FAM149A: variants seen among roughly 807,000 people sequenced by gnomAD.
The protein encoded by FAM149A is protein FAM149A.
A neutral mutation model predicts 78.2 loss-of-function variants in FAM149A; 71 were observed. That is an observed-to-expected ratio of 0.91 (90% confidence interval 0.75 to 1.11). FAM149A has a LOEUF of 1.11. Ranked by LOEUF, FAM149A falls within the 50% of genes least tolerant of loss-of-function variation. FAM149A has a pLI of 0.00. For synonymous variants in FAM149A, 446 were observed against 410.5 expected, an observed-to-expected ratio of 1.09 and a Z score of -1.04; for missense variants, 1,036 against 971.0, an observed-to-expected ratio of 1.07 and a Z score of -0.89.
At chr4:186,155,163 T>G (rs767341326) in intron 6 of FAM149A, among the ~76,000 whole-genome samples, 2 of 152,134 alleles carry the variant, frequency 1.3e-5, no homozygotes, top group Non-Finnish European at 2.9e-5. Flanking sequence ...AGACGGGGTT[T>G]CACCGTGTTA....
At chr4:186,157,448 C>T (rs1433275714) in intron 7 of FAM149A, 117 bp from the exon 8 acceptor site, 3 of 1,021,878 alleles carry the variant, frequency 2.9e-6, no homozygotes, top group Non-Finnish European at 4.3e-6. Flanking sequence ...TGTGGAGTGG[C>T]CGTAGCATGG....
intron 1 of FAM149A, among the ~76,000 whole-genome samples, chr4:186,143,238 C>T (rs1343960772): frequency 6.9e-6 from 1 of 145,294 alleles, no homozygotes; most frequent in Non-Finnish European, 1.5e-5. Context: ...GTGATCCTCC[C>T]ATCTTGGCCT....
At chr4:186,122,638 T>C in intron 1 of FAM149A, 1 of 154,054 alleles carries the variant, frequency 6.5e-6, no homozygotes, top group Non-Finnish European at 1.4e-5. Context: ...TTGGTATAAA[T>C]CTTTCAACTC....
chr4:186,163,081 T>C (rs936547815), intron 9 of FAM149A, 133 bp downstream of exon 9: 13 of 650,198 alleles, frequency 2.0e-5, no homozygotes, highest in East Asian at 1.6e-4. Context: ...CCTGAGCACG[T>C]CTGGAAGAGC....
rs1339865251 is a variant in FAM149A at position 186,146,887 on chromosome 4, G to A, written c.567-2286G>A. ...GTTCCGCATTTGAGTTGCTAATTTCGTCTTCGCCGTTTGAGTCTTTCAACC... is the reference window on the plus strand; with the variant it reads ...GTTCCGCATTTGAGTTGCTAATTTCATCTTCGCCGTTTGAGTCTTTCAACC... On this transcript the variant is annotated intron_variant, in intron 1 of 13. Coordinates refer to ENST00000389354, the MANE Select transcript of FAM149A (RefSeq NM_001367768.3). The A allele has an allele frequency of 1.0e-5, 10 of 985,304 alleles. No individual in the cohort carries two copies. In the African/African-American group the frequency reaches 1.0e-4, roughly 10 times the overall value. The allele number at this position is 985,304 out of a possible 1,614,324, so 61.0% of individuals were successfully genotyped here.
intron 1 of FAM149A, chr4:186,116,618 A>G (rs905313329): frequency 2.4e-5 from 23 of 958,730 alleles, no homozygotes; most frequent in Non-Finnish European, 2.4e-5. Flanking sequence ...AATTTGAGAC[A>G]GAGTCTCACT....
intron 3 of FAM149A, among the ~76,000 whole-genome samples, chr4:186,151,412 G>T (rs1733576691): frequency 6.6e-6 from 1 of 151,820 alleles, no homozygotes; most frequent in South Asian, 2.1e-4. Flanking sequence ...TTTTTTTCCA[G>T]TTCATTGATT....
chr4:186,153,446 C>T, intron 4 of FAM149A, 199 bp from the exon 5 acceptor site: 1 of 985,362 alleles, frequency 1.0e-6, no homozygotes. Context: ...GAGAACCTTG[C>T]CTGAGACTGA....
At chr4:186,158,377 G>T in intron 8 of FAM149A, 1 of 1,205,354 alleles carries the variant, frequency 8.3e-7, no homozygotes. Context: ...GTGCAACAAG[G>T]GAGCTCACTC....
chr4:186,148,220 A>G (rs1384655078), intron 1 of FAM149A, among the ~76,000 whole-genome samples: 2 of 152,150 alleles, frequency 1.3e-5, no homozygotes, highest in East Asian at 3.9e-4. Flanking sequence ...CCAGCTACTC[A>G]GGAGGCTGAG....
At position 186,158,608 on chromosome 4, in the gene FAM149A, G is replaced by A. The variant is rs75870076; in HGVS notation, c.1575+889G>A. 107 of 889,422 alleles carry A rather than the reference G, an allele frequency of 1.2e-4. No homozygotes were observed. The Admixed American group carries it at 1.5e-3, about 12-fold the overall frequency. 55.1% of individuals were successfully genotyped at this position (889,422 alleles called of 1,614,324 possible). On this transcript the variant is annotated intron_variant, in intron 8 of 13. Transcript: ENST00000389354. ...CCTGCTGAGCATTGCCGCCCAGCCC[G>A]AGGCTGCAGACCCAGCCCCTGCACA...
chr4:186,145,987 A>T (rs1733007185), intron 1 of FAM149A, among the ~76,000 whole-genome samples: 1 of 151,838 alleles, frequency 6.6e-6, no homozygotes, highest in Non-Finnish European at 1.5e-5. Flanking sequence ...CCAAAACAAG[A>T]TGTGAAAGAG....
rs1732854503 is a variant in FAM149A at position 186,144,759 on chromosome 4, T to C, written c.567-4414T>C. 1 of 924,530 alleles carries C rather than the reference T, an allele frequency of 1.1e-6. No homozygotes were observed. The highest frequency in any genetic ancestry group is 1.3e-6 in the Non-Finnish European group (1 of 777,556). 57.3% of individuals were successfully genotyped at this position (924,530 alleles called of 1,614,324 possible). A position where few individuals can be genotyped will look rare whatever the true frequency, so the allele number is the denominator to read the frequency against. On this transcript the variant is annotated intron_variant, in intron 1 of 13. Transcript: ENST00000389354. The surrounding 1 kb of genome is among the most constrained non-coding windows in gnomAD (Gnocchi z 4.2). ...CCGGGGCCGGGGCCCGGAGCGGGGA[T>C]GGGCGGGCGCAGCCGGGATTAGCTG...
chr4:186,109,724 A>G (rs1039442740), intron 1 of FAM149A: 32 of 980,162 alleles, frequency 3.3e-5, no homozygotes, highest in Non-Finnish European at 3.9e-5. Context: ...ATTGAGAGCC[A>G]TGTTTTATTG....
In FAM149A at chr4:186,172,233, C is replaced by G; in HGVS notation, c.*246C>G. Reference sequence around the variant, plus strand: ...GGTTCTGTAGGCTTTGTTCAGAAGCCCCTGATGTGTGTTTGCAGTCCGTCA... The same window carrying G: ...GGTTCTGTAGGCTTTGTTCAGAAGCGCCTGATGTGTGTTTGCAGTCCGTCA... On this transcript the variant is annotated 3_prime_UTR_variant, in exon 14 of 14. Coordinates refer to ENST00000389354, the MANE Select transcript of FAM149A (RefSeq NM_001367768.3). 1 of 428,192 alleles carries G rather than the reference C, an allele frequency of 2.3e-6. No individual in the cohort carries two copies. Among genetic ancestry groups the G allele is most frequent in the Non-Finnish European group, 4.0e-6 (1 of 248,832 alleles). The allele number at this position is 428,192 out of a possible 1,614,324, so 26.5% of individuals were successfully genotyped here.
At chr4:186,123,504 T>G (rs1706144) in intron 1 of FAM149A, 465,006 of 465,402 alleles carry the variant, frequency 1, 232,309 homozygotes, top group East Asian at 1. Context: ...GGTTGCATTT[T>G]CAATGAGCAG....
At position 186,105,100 on chromosome 4, in the gene FAM149A, T is replaced by TG. The variant is rs776613609; in HGVS notation, c.27dup (p.Ser10ValfsTer91). On this transcript the variant is annotated frameshift_variant, in exon 1 of 14. Coordinates refer to ENST00000389354, the MANE Select transcript of FAM149A (RefSeq NM_001367768.3). LOFTEE classifies it high-confidence loss of function. ...GCATGAAGGCTGCTGTGCTGGACCT[T>TG]GGGTCTCTCTTGGCCAAACTCTTCG... 2.1e-5 allele frequency: 27 copies of TG among 1,280,932 alleles called. No homozygotes were observed. In the South Asian group the frequency reaches 2.8e-4, roughly 14 times the overall value. The allele number at this position is 1,280,932 out of a possible 1,614,324, so 79.3% of individuals were successfully genotyped here.
Position 186,156,057 on chromosome 4 carries a change from C to T in FAM149A, c.1287C>T (p.Leu429=), listed in dbSNP as rs1347089132. The T allele has an allele frequency of 1.4e-5, 23 of 1,613,780 alleles. No homozygotes were observed. Among genetic ancestry groups the T allele is most frequent in the East Asian group, 4.5e-5 (2 of 44,882 alleles). The stretch of plus-strand genomic sequence containing the variant: ...AGCCCGGTAGGAAATGGCGCAAACT[C>T]GGACTTCCTCCTGTTTCCCCGCGTG... The change falls in exon 7 of 14, where the codon CTC becomes CTT. Residue 429 remains leucine, a synonymous_variant. Transcript: ENST00000389354.
chr4:186,127,575 G>A (rs1022257354), intron 1 of FAM149A: 2 of 985,320 alleles, frequency 2.0e-6, no homozygotes, highest in African/African-American at 3.5e-5. Flanking sequence ...CATGCGAGAA[G>A]CAGTTTCATG....
Sources: gnomAD v4.1 joint callset for allele counts (sites outside exome capture counted in the v4.1 genomes callset) on GRCh38, gnomAD v4.1.1 for gene constraint, Gnocchi (gnomAD v3.1) non-coding constraint, MANE v1.5 for transcripts, NCBI Gene and HGNC (gene_info 2026-07-23, HGNC 2026-07-21) for gene names.